Variants in ZNF354B observed in about 807,000 individuals in gnomAD.
ZNF354B encodes zinc finger protein 354B.
In ZNF354B, 10 loss-of-function variants were observed where a neutral mutation model predicts 12.9. That is an observed-to-expected ratio of 0.77 (90% CI 0.48 to 1.31). The LOEUF (loss-of-function observed/expected upper bound fraction) is 1.31. Among genes scored for constraint, ZNF354B ranks in the 40% most tolerant of loss-of-function variants. The probability of loss-of-function intolerance (pLI) is 0.00; values close to 1 mark genes in which losing one functional copy is unlikely to be tolerated. For synonymous variants in ZNF354B, 260 were observed against 243.7 expected, an observed-to-expected ratio of 1.07 and a Z score of -0.62; for missense variants, 614 against 711.7, an observed-to-expected ratio of 0.86 and a Z score of 1.56.
At chr5:178,870,052 C>T (rs1278399012) in intron 4 of ZNF354B, among the ~76,000 whole-genome samples, 1 of 151,322 alleles carries the variant, frequency 6.6e-6, no homozygotes, top group Non-Finnish European at 1.5e-5. Flanking sequence ...TGGGTCACGC[C>T]TGTGATTCCA....
Position 178,866,361 on chromosome 5 carries a change from G to C in ZNF354B, c.151G>C (p.Val51Leu), listed in dbSNP as rs201904619. ...GATGCTGGAGAACTATAGGAACCTG[G>C]TCTCACTGGGTAAGGAAATTTCCCC... ...DVMLENYRNL[V>L]SLGLSFTKPK... The change falls in exon 3 of 5, where the codon GTC becomes CTC. Residue 51 changes from valine (V) to leucine (L), a missense_variant. Transcript: ENST00000322434. 39 of 1,612,552 alleles carry C rather than the reference G, an allele frequency of 2.4e-5. No individual in the cohort carries two copies. The highest frequency in any genetic ancestry group is 2.9e-5 in the Non-Finnish European group (34 of 1,179,458).
chr5:178,864,203 C>T (rs1366686235), intron 2 of ZNF354B, among the ~76,000 whole-genome samples: 1 of 152,194 alleles, frequency 6.6e-6, no homozygotes, highest in Non-Finnish European at 1.5e-5. Context: ...CCATTCATGG[C>T]AAGAGCCCTA....
Position 178,882,880 on chromosome 5 carries a change from T to C in ZNF354B, c.428T>C (p.Ile143Thr). 6.2e-7 allele frequency: 1 copy of C among 1,600,488 alleles called. No individual in the cohort carries two copies. The highest frequency in any genetic ancestry group is 8.5e-7 in the Non-Finnish European group (1 of 1,176,846). ...CAGGACAAAAATGAAAATTTACAAATAATTTCAGTTGCCCATACAAAAATC... is the reference window on the plus strand; with the variant it reads ...CAGGACAAAAATGAAAATTTACAAACAATTTCAGTTGCCCATACAAAAATC... ...KQQDKNENLQ[I>T]ISVAHTKILT... is the part of the protein sequence containing the mutation. The change falls in exon 5 of 5, where the codon ATA (isoleucine) becomes ACA (threonine). Residue 143 changes from isoleucine (I) to threonine (T), a missense_variant. Transcript: ENST00000322434.
At chr5:178,877,519 A>T (rs1757655970) in intron 4 of ZNF354B, among the ~76,000 whole-genome samples, 1 of 152,192 alleles carries the variant, frequency 6.6e-6, no homozygotes, top group Non-Finnish European at 1.5e-5. Flanking sequence ...GGGGAACAGA[A>T]GGGGAAAAAA....
chr5:178,878,937 A>G (rs947144774), intron 4 of ZNF354B, among the ~76,000 whole-genome samples: 8 of 151,738 alleles, frequency 5.3e-5, no homozygotes, highest in South Asian at 2.1e-4. Flanking sequence ...CTGACTTCAA[A>G]TGATGCACCC....
chr5:178,863,972 G>A (rs1223379862), intron 2 of ZNF354B, among the ~76,000 whole-genome samples: 5 of 152,156 alleles, frequency 3.3e-5, no homozygotes, highest in African/African-American at 1.2e-4. Flanking sequence ...TTTAAGATAA[G>A]TGTTACTACA....
intron 4 of ZNF354B, among the ~76,000 whole-genome samples, chr5:178,875,716 T>C (rs1311540145): frequency 6.6e-6 from 1 of 152,044 alleles, no homozygotes; most frequent in Non-Finnish European, 1.5e-5. Context: ...GAGTCAGGGA[T>C]TGGTTCTCAC....
rs557103029 is a variant in ZNF354B, at chr5:178,872,719, T to G, written c.256+5648T>G. On this transcript the variant is annotated intron_variant, in intron 4 of 4. Coordinates refer to ENST00000322434, the MANE Select transcript of ZNF354B (RefSeq NM_058230.3). ...TGAAATACATTGTGATTTTAATTTG[T>G]GTGTTGCTAACATCTGTTGATGTTT... Among the ~76,000 whole-genome samples the G allele has an allele frequency of 9.8e-5, 15 of 152,370 alleles. No individual in the cohort carries two copies. The South Asian group carries it at 2.9e-3, about 29-fold the overall frequency.
intron 4 of ZNF354B, among the ~76,000 whole-genome samples, chr5:178,871,377 A>G (rs994667041): frequency 3.3e-5 from 5 of 151,982 alleles, no homozygotes; most frequent in South Asian, 4.2e-4. Flanking sequence ...CATGTGGCTC[A>G]CTCACTTCCT....
At chr5:178,874,321 T>C (rs1043758384) in intron 4 of ZNF354B, among the ~76,000 whole-genome samples, 5 of 152,244 alleles carry the variant, frequency 3.3e-5, no homozygotes, top group African/African-American at 4.8e-5. Context: ...GACAATAGTA[T>C]CCTGAAATGT....
At chr5:178,874,779 CTT>C (rs1196713849) in intron 4 of ZNF354B, among the ~76,000 whole-genome samples, 1 of 152,142 alleles carries the variant, frequency 6.6e-6, no homozygotes, top group Non-Finnish European at 1.5e-5. Context: ...CTAGTGCAGT[CTT>C]TTGGAGGAAA....
intron 4 of ZNF354B, among the ~76,000 whole-genome samples, chr5:178,881,159 T>C (rs1416881755): frequency 6.6e-6 from 1 of 152,160 alleles, no homozygotes; most frequent in East Asian, 1.9e-4. Flanking sequence ...AAGATCATTT[T>C]TGTTTCATCT....
chr5:178,869,802 T>A (rs1039714442), intron 4 of ZNF354B, among the ~76,000 whole-genome samples: 1 of 151,998 alleles, frequency 6.6e-6, no homozygotes, highest in African/African-American at 2.4e-5. Flanking sequence ...ATGACCTTCG[T>A]CCTCCTTTTG....
rs1030296561 is a variant in ZNF354B, at chr5:178,878,322, G to T, written c.257-4387G>T. On this transcript the variant is annotated intron_variant, in intron 4 of 4. Transcript: ENST00000322434. Reference sequence around the variant, plus strand: ...GGCGTGAACCCGGGAGGCGGAGCTTGCAGTGAGCCGAGATTATGCCACTGT... The same window carrying T: ...GGCGTGAACCCGGGAGGCGGAGCTTTCAGTGAGCCGAGATTATGCCACTGT... Among the ~76,000 whole-genome samples the T allele has an allele frequency of 3.3e-5, 5 of 151,964 alleles. No individual in the cohort carries two copies. In the East Asian group the frequency reaches 7.8e-4, roughly 24 times the overall value.
At chr5:178,864,758 G>T (rs1370358078) in intron 2 of ZNF354B, among the ~76,000 whole-genome samples, 1 of 151,924 alleles carries the variant, frequency 6.6e-6, no homozygotes. Flanking sequence ...GAGTAGCTGG[G>T]ATTACAGGCA....
intron 4 of ZNF354B, among the ~76,000 whole-genome samples, chr5:178,876,546 A>T (rs1435975043): frequency 6.6e-6 from 1 of 152,338 alleles, no homozygotes; most frequent in East Asian, 1.9e-4. Context: ...ATGGCATCCT[A>T]CATGGCCCTT....
intron 2 of ZNF354B, among the ~76,000 whole-genome samples, chr5:178,861,729 G>A (rs779668114): frequency 2.0e-5 from 3 of 152,218 alleles, no homozygotes; most frequent in Admixed American, 6.5e-5. Flanking sequence ...CAGAGGCAGC[G>A]TAGGTGGTAG....
chr5:178,872,346 C>G (rs1054096651), intron 4 of ZNF354B, among the ~76,000 whole-genome samples: 1 of 152,076 alleles, frequency 6.6e-6, no homozygotes, highest in African/African-American at 2.4e-5. Context: ...ATTGCTGAGT[C>G]GTGTTCCATA....
chr5:178,862,106 C>T (rs1025669138), intron 2 of ZNF354B, among the ~76,000 whole-genome samples: 3 of 152,088 alleles, frequency 2.0e-5, no homozygotes, highest in Admixed American at 1.3e-4. Context: ...TAATGTCCAC[C>T]GAGTGTCTAG....
Sources: gnomAD v4.1 joint callset for allele counts (sites outside exome capture counted in the v4.1 genomes callset) on GRCh38, gnomAD v4.1.1 for gene constraint, MANE v1.5 for transcripts, NCBI Gene and HGNC (gene_info 2026-07-23, HGNC 2026-07-21) for gene names.